Variants in FAM241A observed in about 807,000 individuals in gnomAD.
FAM241A encodes uncharacterized protein FAM241A.
Under a neutral mutation model 12.2 loss-of-function variants are expected in FAM241A, and 7 were observed. That is an observed-to-expected ratio of 0.58 (90% confidence interval 0.33 to 1.08). FAM241A has a LOEUF of 1.08. Among genes scored for constraint, FAM241A ranks in the 50% least tolerant of loss-of-function variants. FAM241A has a pLI of 0.04. For synonymous variants in FAM241A, 74 were observed against 68.2 expected, an observed-to-expected ratio of 1.08 and a Z score of -0.42; for missense variants, 161 against 169.7, an observed-to-expected ratio of 0.95 and a Z score of 0.29.
At chr4:112,177,628 T>C (rs551943885) in intron 1 of FAM241A, among the ~76,000 whole-genome samples, 3 of 152,278 alleles carry the variant, frequency 2.0e-5, no homozygotes, top group African/African-American at 7.2e-5. Context: ...GCATGTTACA[T>C]AGGAGGCACT....
In FAM241A at chr4:112,145,483, C is replaced by T. The variant is rs1423622440; in HGVS notation, c.-98C>T. 12 of 1,132,752 alleles carry T rather than the reference C, an allele frequency of 1.1e-5. No homozygotes were observed. Among genetic ancestry groups the T allele is most frequent in the South Asian group, 8.7e-5 (2 of 22,930 alleles). The allele number at this position is 1,132,752 out of a possible 1,614,324, so 70.2% of individuals were successfully genotyped here. ...CGGCGGCTCCTGTCAGCGGCGGGTGCGGCGGATCCCAGGGCAGCCTTCGGG... is the reference window on the plus strand; with the variant it reads ...CGGCGGCTCCTGTCAGCGGCGGGTGTGGCGGATCCCAGGGCAGCCTTCGGG... On this transcript the variant is annotated 5_prime_UTR_variant, in exon 1 of 2. Transcript: ENST00000309733.
intron 1 of FAM241A, among the ~76,000 whole-genome samples, chr4:112,172,223 TAATA>T (rs1007640927): frequency 6.6e-6 from 1 of 152,258 alleles, no homozygotes. Context: ...TTTTTTAAAT[TAATA>T]AATGTGTCAT....
chr4:112,160,042 C>G (rs972224401), intron 1 of FAM241A, among the ~76,000 whole-genome samples: 4 of 152,072 alleles, frequency 2.6e-5, no homozygotes, highest in African/African-American at 7.2e-5. Flanking sequence ...AGGACTCCAT[C>G]AAAAAACTAT....
rs1244468461 is a variant in FAM241A at position 112,194,345 on chromosome 4, TCTC to T, written c.*7410_*7412del. The T allele has an allele frequency of 6.6e-5, 10 of 152,154 alleles. No individual in the cohort carries two copies. Among genetic ancestry groups the T allele is most frequent in the Non-Finnish European group, 8.8e-5 (6 of 68,070 alleles). The allele number at this position is 152,154 out of a possible 1,614,324, so 9.4% of individuals were successfully genotyped here. A position where few individuals can be genotyped will look rare whatever the true frequency, so the allele number is the denominator to read the frequency against. On this transcript the variant is annotated 3_prime_UTR_variant, in exon 2 of 2. Transcript: ENST00000309733. ...CCTAATTGAATACTTTTTACTTCCT[TCTC>T]CTGCCTAATTGCCCTGGCCAGAACT... is the stretch of plus-strand genomic sequence containing the variant.
intron 1 of FAM241A, among the ~76,000 whole-genome samples, chr4:112,158,529 A>G (rs374798219): frequency 6.6e-6 from 1 of 152,112 alleles, no homozygotes; most frequent in South Asian, 2.1e-4. Flanking sequence ...GCCACATTTC[A>G]TTTCTCATTA....
intron 1 of FAM241A, among the ~76,000 whole-genome samples, chr4:112,181,682 G>A (rs978449489): frequency 1.3e-5 from 2 of 152,182 alleles, no homozygotes. Flanking sequence ...CTAAGCAAAG[G>A]AGAGAGGAAA....
intron 1 of FAM241A, among the ~76,000 whole-genome samples, chr4:112,160,199 G>T (rs1723433995): frequency 6.6e-6 from 1 of 152,104 alleles, no homozygotes; most frequent in Non-Finnish European, 1.5e-5. Flanking sequence ...TTGAGGTCAG[G>T]AGTTCAAGAC....
At chr4:112,167,900 CA>C (rs1723633064) in intron 1 of FAM241A, among the ~76,000 whole-genome samples, 1 of 152,142 alleles carries the variant, frequency 6.6e-6, no homozygotes, top group Non-Finnish European at 1.5e-5. Context: ...CAAAGATTCT[CA>C]AGGAGAACAT....
At chr4:112,172,430 T>G (rs929294356) in intron 1 of FAM241A, among the ~76,000 whole-genome samples, 3 of 152,350 alleles carry the variant, frequency 2.0e-5, no homozygotes, top group Admixed American at 1.3e-4. Flanking sequence ...TTATCAGTGC[T>G]ATAACCAGCT....
intron 1 of FAM241A, among the ~76,000 whole-genome samples, chr4:112,178,374 G>C (rs1439595044): frequency 6.6e-6 from 1 of 152,140 alleles, no homozygotes; most frequent in Admixed American, 6.5e-5. Context: ...CTTAATTCTT[G>C]TATATGGTGA....
chr4:112,163,577 T>C (rs969088349), intron 1 of FAM241A, among the ~76,000 whole-genome samples: 10 of 152,250 alleles, frequency 6.6e-5, no homozygotes, highest in African/African-American at 1.4e-4. Context: ...CCATCACTGG[T>C]CATCAGAGAA....
At position 112,191,548 on chromosome 4, in the gene FAM241A, A is replaced by G. The variant is rs552481410; in HGVS notation, c.*4610A>G. Reference sequence around the variant, plus strand: ...CACTCTCCATTTCCAGGATTCAACTATACTGAACTTTTCCCCAGTTCCTTT... The same window carrying G: ...CACTCTCCATTTCCAGGATTCAACTGTACTGAACTTTTCCCCAGTTCCTTT... On this transcript the variant is annotated 3_prime_UTR_variant, in exon 2 of 2. Coordinates refer to ENST00000309733, the MANE Select transcript of FAM241A (RefSeq NM_152400.3). The G allele has an allele frequency of 7.2e-5, 11 of 152,326 alleles. No homozygotes were observed. The highest frequency in any genetic ancestry group is 2.4e-4 in the African/African-American group (10 of 41,572). The allele number at this position is 152,326 out of a possible 1,614,324, so 9.4% of individuals were successfully genotyped here.
intron 1 of FAM241A, among the ~76,000 whole-genome samples, chr4:112,159,795 A>G (rs1001227716): frequency 7.9e-5 from 12 of 152,222 alleles, no homozygotes; most frequent in Non-Finnish European, 1.8e-4. Context: ...CAAAAGCCAC[A>G]TATGACAGAC....
intron 1 of FAM241A, among the ~76,000 whole-genome samples, chr4:112,149,092 TTTGATATCA>T (rs370554059): frequency 0.96 from 145,806 of 152,276 alleles, 69,848 homozygotes; most frequent in East Asian, 1. Context: ...ATTTTGGGAT[TTTGATATCA>T]AATATTTTGA....
intron 1 of FAM241A, among the ~76,000 whole-genome samples, chr4:112,178,465 C>A (rs550503977): frequency 2.0e-5 from 3 of 152,256 alleles, no homozygotes; most frequent in East Asian, 3.9e-4. Context: ...AATAGGGAGT[C>A]CTTTCCCCAT....
intron 1 of FAM241A, among the ~76,000 whole-genome samples, chr4:112,167,003 A>C (rs1207209560): frequency 9.4e-6 from 1 of 106,530 alleles, no homozygotes; most frequent in African/African-American, 4.2e-5. Context: ...AGTCCCAGCT[A>C]CTTGGGAGGC....
chr4:112,164,489 C>G (rs375615337), intron 1 of FAM241A, among the ~76,000 whole-genome samples: 2 of 127,546 alleles, frequency 1.6e-5, no homozygotes, highest in East Asian at 2.0e-4. Context: ...AGGAGATACA[C>G]CTAATGTAAA....
chr4:112,145,558 G>T lies in FAM241A; in HGVS notation c.-23G>T. 8.0e-7 allele frequency: 1 copy of T among 1,244,682 alleles called. No homozygotes were observed. Among genetic ancestry groups the T allele is most frequent in the East Asian group, 3.1e-5 (1 of 32,194 alleles). The allele number at this position is 1,244,682 out of a possible 1,614,324, so 77.1% of individuals were successfully genotyped here. On this transcript the variant is annotated 5_prime_UTR_variant, in exon 1 of 2. Coordinates refer to ENST00000309733, the MANE Select transcript of FAM241A (RefSeq NM_152400.3). ...GGCGTGGTCCTCCGGCGGCTGTCCG[G>T]GGCGGTAGGAGTTGGCTGCGGGATG...
chr4:112,154,769 A>G (rs1229709738), intron 1 of FAM241A, among the ~76,000 whole-genome samples: 1 of 151,462 alleles, frequency 6.6e-6, no homozygotes, highest in Non-Finnish European at 1.5e-5. Context: ...GTGGTGGGTC[A>G]TGCCTGTAAT....
Sources: gnomAD v4.1 joint callset for allele counts (sites outside exome capture counted in the v4.1 genomes callset) on GRCh38, gnomAD v4.1.1 for gene constraint, MANE v1.5 for transcripts, NCBI Gene and HGNC (gene_info 2026-07-23, HGNC 2026-07-21) for gene names.